SH3PXD2B: variants seen among roughly 807,000 people sequenced by gnomAD.
SH3PXD2B encodes the protein SH3 and PX domains 2B, also known as SH3 and PX domain-containing protein 2B.
Under a neutral mutation model 73.1 loss-of-function variants are expected in SH3PXD2B, and 37 were observed. The ratio of observed to expected loss-of-function variants is 0.51; its 90% CI spans 0.39 to 0.67. The LOEUF is 0.67. Among genes scored for constraint, SH3PXD2B ranks in the 30% least tolerant of loss-of-function variants. The pLI is 0.00. For synonymous variants in SH3PXD2B, 457 were observed against 480.5 expected, an observed-to-expected ratio of 0.95 and a Z score of 0.64; for missense variants, 1,053 against 1,197.8, an observed-to-expected ratio of 0.88 and a Z score of 1.78.
chr5:172,348,626 G>GTCTATC (rs1561896273), intron 10 of SH3PXD2B, among the ~76,000 whole-genome samples: 13 of 92,548 alleles, frequency 1.4e-4, no homozygotes, highest in African/African-American at 5.9e-4. Flanking sequence ...ATCTATCTAT[G>GTCTATC]TATCTATCTA....
chr5:172,363,471 A>T (rs1187908481), intron 6 of SH3PXD2B, among the ~76,000 whole-genome samples: 1 of 152,246 alleles, frequency 6.6e-6, no homozygotes, highest in Non-Finnish European at 1.5e-5. Flanking sequence ...AATAAGATAT[A>T]GAATTATGTA....
chr5:172,337,999 A>G lies in SH3PXD2B; in HGVS notation c.*370T>C. 8.4e-7 allele frequency: 1 copy of G among 1,188,324 alleles called. No homozygotes were observed. The highest frequency in any genetic ancestry group is 1.1e-6 in the Non-Finnish European group (1 of 951,318). The allele number at this position is 1,188,324 out of a possible 1,614,324, so 73.6% of individuals were successfully genotyped here. On this transcript the variant is annotated 3_prime_UTR_variant, in exon 13 of 13. Transcript: ENST00000311601. ...CTTACTGTGCCATGTCCAAGCCATGAGAGACCCTTGCTGGAGTTTCTCCAG... is the reference window on the plus strand; with the variant it reads ...CTTACTGTGCCATGTCCAAGCCATGGGAGACCCTTGCTGGAGTTTCTCCAG...
At chr5:172,423,942 C>T (rs1759035511) in intron 1 of SH3PXD2B, among the ~76,000 whole-genome samples, 2 of 152,168 alleles carry the variant, frequency 1.3e-5, no homozygotes, top group African/African-American at 4.8e-5. Flanking sequence ...CGCGCCCGGC[C>T]CGCCCTGGGA....
chr5:172,355,388 G>A (rs1757249124), intron 8 of SH3PXD2B, among the ~76,000 whole-genome samples: 1 of 152,166 alleles, frequency 6.6e-6, no homozygotes, highest in Non-Finnish European at 1.5e-5. Flanking sequence ...GGCTGGGAGG[G>A]GTGGAGGGAA....
intron 1 of SH3PXD2B, among the ~76,000 whole-genome samples, chr5:172,427,402 G>C (rs1185464672): frequency 6.6e-6 from 1 of 152,158 alleles, no homozygotes; most frequent in Non-Finnish European, 1.5e-5. Context: ...GTGGAGTATG[G>C]TGGTGTGATC....
downstream of SH3PXD2B, among the ~76,000 whole-genome samples, chr5:172,329,596 G>A (rs1295919234): frequency 1.4e-5 from 2 of 142,014 alleles, no homozygotes; most frequent in East Asian, 4.3e-4. Flanking sequence ...GGAGTGCAGT[G>A]GCGCGATCTC....
intron 5 of SH3PXD2B, among the ~76,000 whole-genome samples, chr5:172,381,337 C>T (rs1302165751): frequency 6.6e-6 from 1 of 152,250 alleles, no homozygotes; most frequent in African/African-American, 2.4e-5. Context: ...GCACCTTGGG[C>T]TGATCTCTTT....
chr5:172,412,703 T>G (rs913139783), intron 2 of SH3PXD2B, among the ~76,000 whole-genome samples: 1 of 152,144 alleles, frequency 6.6e-6, no homozygotes, highest in African/African-American at 2.4e-5. Flanking sequence ...GGCCTTGAAG[T>G]AGGTTCTCCA....
chr5:172,375,301 AGTGAGCC>A (rs1757798505), intron 5 of SH3PXD2B, among the ~76,000 whole-genome samples: 3 of 152,230 alleles, frequency 2.0e-5, no homozygotes, highest in Admixed American at 1.3e-4. Flanking sequence ...TGGAGGCTGC[AGTGAGCC>A]GAGATCATGC....
chr5:172,362,035 C>T (rs1757414893), intron 7 of SH3PXD2B, among the ~76,000 whole-genome samples: 1 of 152,178 alleles, frequency 6.6e-6, no homozygotes, highest in African/African-American at 2.4e-5. Context: ...GCAATGGCTG[C>T]TTTGTAGCTA....
At chr5:172,452,453 G>A (rs1312831753) in intron 1 of SH3PXD2B, among the ~76,000 whole-genome samples, 2 of 152,224 alleles carry the variant, frequency 1.3e-5, no homozygotes, top group Non-Finnish European at 2.9e-5. Context: ...GGTACCGGAT[G>A]TGGGAAGTGG....
At chr5:172,368,498 A>ATATATATATAAATAAAATATATATAT (rs1757587764) in intron 6 of SH3PXD2B, among the ~76,000 whole-genome samples, 1 of 5,834 alleles carries the variant, frequency 1.7e-4, no homozygotes, top group Non-Finnish European at 3.0e-4. Flanking sequence ...TATATATATT[A>ATATATATATAAATAAAATATATATAT]TATATATATA....
intron 1 of SH3PXD2B, among the ~76,000 whole-genome samples, chr5:172,438,542 C>A (rs1177308150): frequency 1.3e-5 from 2 of 152,152 alleles, no homozygotes; most frequent in African/African-American, 4.8e-5. Context: ...AGTAACAATG[C>A]TCGTGAAATA....
intron 2 of SH3PXD2B, among the ~76,000 whole-genome samples, chr5:172,413,913 G>A (rs1212263436): frequency 6.6e-6 from 1 of 152,256 alleles, no homozygotes; most frequent in East Asian, 1.9e-4. Context: ...GGATAAATAT[G>A]GTTGGTGGAG....
At chr5:172,349,802 T>C (rs545292411) in intron 10 of SH3PXD2B, among the ~76,000 whole-genome samples, 1 of 152,298 alleles carries the variant, frequency 6.6e-6, no homozygotes, top group East Asian at 1.9e-4. Flanking sequence ...GTGACCACTG[T>C]GAGATAGCAG....
At chr5:172,355,607 C>T (rs920738673) in intron 8 of SH3PXD2B, among the ~76,000 whole-genome samples, 13 of 150,704 alleles carry the variant, frequency 8.6e-5, no homozygotes, top group East Asian at 2.0e-4. Flanking sequence ...TGCAGTGGCG[C>T]GATCTCCACT....
intron 6 of SH3PXD2B, among the ~76,000 whole-genome samples, chr5:172,373,563 A>G (rs1757753754): frequency 1.4e-5 from 2 of 147,140 alleles, no homozygotes; most frequent in African/African-American, 5.1e-5. Context: ...GGGATGGGGT[A>G]TCAACCAATC....
At chr5:172,360,697 T>G (rs937229599) in intron 7 of SH3PXD2B, among the ~76,000 whole-genome samples, 1 of 152,128 alleles carries the variant, frequency 6.6e-6, no homozygotes, top group Admixed American at 6.6e-5. Flanking sequence ...CCAGGCATGG[T>G]GGCATGTGCC....
intron 1 of SH3PXD2B, among the ~76,000 whole-genome samples, chr5:172,439,919 C>T (rs568010317): frequency 1.3e-5 from 2 of 152,304 alleles, no homozygotes; most frequent in South Asian, 2.1e-4. Flanking sequence ...TGCCAGCTCA[C>T]GCACTGCTAC....
Sources: gnomAD v4.1 joint callset for allele counts (sites outside exome capture counted in the v4.1 genomes callset) on GRCh38, gnomAD v4.1.1 for gene constraint, MANE v1.5 for transcripts, NCBI Gene and HGNC (gene_info 2026-07-23, HGNC 2026-07-21) for gene names.